Variants in MGMT observed in about 807,000 individuals in gnomAD.
The protein encoded by MGMT is methylated-DNA--protein-cysteine methyltransferase.
MGMT carries 14 observed loss-of-function variants against 15.9 expected under a neutral mutation model. That is an observed-to-expected ratio of 0.88 (90% CI 0.58 to 1.37). The LOEUF is 1.37. Ranked by LOEUF, MGMT falls within the 40% of genes most tolerant of loss-of-function variation. The pLI, the probability that MGMT is intolerant of heterozygous loss-of-function variation, is 0.00. For synonymous variants in MGMT, 130 were observed against 118.2 expected (o/e 1.10, Z -0.65); for missense variants, 282 against 268.1 (o/e 1.05, Z -0.36).
intron 2 of MGMT, among the ~76,000 whole-genome samples, chr10:129,563,383 G>A (rs1039503712): frequency 3.3e-5 from 5 of 152,108 alleles, no homozygotes; most frequent in South Asian, 2.1e-4. Context: ...TCCTGAGGCC[G>A]AGTCTTCTGT....
rs145766840 is a variant in MGMT at position 129,677,801 on chromosome 10, G to A, written c.126-30094G>A. ...GCCGGGGGCGAAGGAACAGGTCACCGAGGCCACTGCCAGCACCACCAAGAA... is the reference window on the plus strand; with the variant it reads ...GCCGGGGGCGAAGGAACAGGTCACCAAGGCCACTGCCAGCACCACCAAGAA... On this transcript the variant is annotated intron_variant, in intron 2 of 4. Transcript: ENST00000651593. Among the ~76,000 whole-genome samples, 46 of 152,274 alleles carry A rather than the reference G, an allele frequency of 3.0e-4. No homozygotes were observed. In the Middle Eastern group the frequency reaches 0.014, roughly 45 times the overall value.
At chr10:129,543,242 T>C (rs888519745) in intron 2 of MGMT, among the ~76,000 whole-genome samples, 1 of 151,712 alleles carries the variant, frequency 6.6e-6, no homozygotes, top group South Asian at 2.1e-4. Context: ...GCATAACATA[T>C]GCTTTTAAGT....
At chr10:129,722,088 T>C (rs749863122) in intron 3 of MGMT, among the ~76,000 whole-genome samples, 3 of 152,034 alleles carry the variant, frequency 2.0e-5, no homozygotes, top group Non-Finnish European at 4.4e-5. Context: ...AAGGAATACA[T>C]TGACAGAAAG....
chr10:129,654,656 T>C (rs907136368), intron 2 of MGMT, among the ~76,000 whole-genome samples: 11 of 151,846 alleles, frequency 7.2e-5, no homozygotes, highest in Non-Finnish European at 1.6e-4. Context: ...GGTAAGTCCC[T>C]GGAGAGACAG....
At chr10:129,544,782 G>A (rs961005634) in intron 2 of MGMT, among the ~76,000 whole-genome samples, 1 of 152,240 alleles carries the variant, frequency 6.6e-6, no homozygotes, top group African/African-American at 2.4e-5. Context: ...TGAAAAGCTG[G>A]TGAACAGGCT....
chr10:129,730,019 T>C (rs1564776785), intron 3 of MGMT, among the ~76,000 whole-genome samples: 1 of 152,152 alleles, frequency 6.6e-6, no homozygotes, highest in Non-Finnish European at 1.5e-5. Flanking sequence ...AAGCAGCTTA[T>C]TTTTAGCCTT....
chr10:129,738,289 A>G (rs1461296296), intron 3 of MGMT, among the ~76,000 whole-genome samples: 3 of 152,216 alleles, frequency 2.0e-5, no homozygotes, highest in Non-Finnish European at 4.4e-5. Flanking sequence ...GGAAAAGGGC[A>G]GTATTCAGGT....
At chr10:129,550,551 A>T (rs1304720719) in intron 2 of MGMT, among the ~76,000 whole-genome samples, 1 of 150,580 alleles carries the variant, frequency 6.6e-6, no homozygotes, top group African/African-American at 2.5e-5. Context: ...GGTTCAAGTG[A>T]TTCTCGCGCC....
chr10:129,525,251 C>T (rs1845856659), intron 1 of MGMT, among the ~76,000 whole-genome samples: 2 of 152,088 alleles, frequency 1.3e-5, no homozygotes, highest in Admixed American at 1.3e-4. Context: ...TATTTAGTTC[C>T]ATATATGTAC....
chr10:129,725,092 T>G (rs1457758351), intron 3 of MGMT, among the ~76,000 whole-genome samples: 1 of 151,108 alleles, frequency 6.6e-6, no homozygotes, highest in East Asian at 2.0e-4. Flanking sequence ...GGGCCAGACC[T>G]TTGGACACTG....
chr10:129,606,249 C>T (rs890890894), intron 2 of MGMT, among the ~76,000 whole-genome samples: 1 of 152,188 alleles, frequency 6.6e-6, no homozygotes, highest in Non-Finnish European at 1.5e-5. Context: ...GAAATGCTGA[C>T]GTGAGCACAT....
chr10:129,674,454 A>G (rs1017198392), intron 2 of MGMT, among the ~76,000 whole-genome samples: 1 of 151,988 alleles, frequency 6.6e-6, no homozygotes, highest in Non-Finnish European at 1.5e-5. Context: ...GGCTCTAGGG[A>G]CAGCTGTGGT....
At chr10:129,684,065 A>G (rs1180622804) in intron 2 of MGMT, among the ~76,000 whole-genome samples, 2 of 152,194 alleles carry the variant, frequency 1.3e-5, no homozygotes, top group Non-Finnish European at 1.5e-5. Flanking sequence ...ATTTGCTGAA[A>G]TATGCATGTT....
At chr10:129,480,712 T>C (rs1193409526) in intron 1 of MGMT, among the ~76,000 whole-genome samples, 1 of 152,210 alleles carries the variant, frequency 6.6e-6, no homozygotes, top group Non-Finnish European at 1.5e-5. Context: ...ATCCCGTCTC[T>C]ACAAAAACAT....
chr10:129,612,912 C>G (rs904209613), intron 2 of MGMT, among the ~76,000 whole-genome samples: 3 of 152,242 alleles, frequency 2.0e-5, no homozygotes, highest in Non-Finnish European at 4.4e-5. Flanking sequence ...ACTCTGTCCC[C>G]ATGTGCTTCT....
intron 2 of MGMT, among the ~76,000 whole-genome samples, chr10:129,670,276 C>T (rs1847707224): frequency 6.6e-6 from 1 of 152,038 alleles, no homozygotes. Flanking sequence ...TCCTTTTTTG[C>T]TTCACACAAT....
chr10:129,498,115 A>G (rs1845541384), intron 1 of MGMT, among the ~76,000 whole-genome samples: 1 of 152,172 alleles, frequency 6.6e-6, no homozygotes, highest in South Asian at 2.1e-4. Context: ...GGGTTTGCTG[A>G]TGTTGTCTCA....
intron 2 of MGMT, among the ~76,000 whole-genome samples, chr10:129,558,927 C>T (rs1846246171): frequency 6.6e-6 from 1 of 152,166 alleles, no homozygotes; most frequent in African/African-American, 2.4e-5. Context: ...GTCTGTTCTG[C>T]TCTGGGGGCG....
At chr10:129,650,923 G>A (rs1847450239) in intron 2 of MGMT, among the ~76,000 whole-genome samples, 1 of 152,192 alleles carries the variant, frequency 6.6e-6, no homozygotes, top group African/African-American at 2.4e-5. Context: ...CCGCATTGTG[G>A]CCAGGACTTT....
Sources: gnomAD v4.1 joint callset for allele counts (sites outside exome capture counted in the v4.1 genomes callset) on GRCh38, gnomAD v4.1.1 for gene constraint, MANE v1.5 for transcripts, NCBI Gene and HGNC (gene_info 2026-07-23, HGNC 2026-07-21) for gene names.